The following GSTO1 variants were observed in gnomAD, a reference collection of about 807,000 sequenced individuals.
GSTO1 encodes glutathione S-transferase omega-1.
Under a neutral mutation model 23.8 loss-of-function variants are expected in GSTO1, and 27 were observed. That is an observed-to-expected ratio of 1.13 (90% CI 0.83 to 1.56). GSTO1 has a LOEUF of 1.56. GSTO1 is among the 40% of genes most tolerant of loss of function. The pLI is 0.00. For missense variants in GSTO1, 255 were observed against 285.8 expected (o/e 0.89, Z 0.78); for synonymous variants, 105 against 109.3 (o/e 0.96, Z 0.25).
At chr10:104,256,135 A>G (rs935581198) in intron 2 of GSTO1, among the ~76,000 whole-genome samples, 1 of 152,228 alleles carries the variant, frequency 6.6e-6, no homozygotes, top group African/African-American at 2.4e-5. Context: ...TCCCTAAAAG[A>G]AAGGTAAAAT....
chr10:104,264,868 T>G (rs1456492570), intron 4 of GSTO1, among the ~76,000 whole-genome samples: 1 of 152,198 alleles, frequency 6.6e-6, no homozygotes, highest in Non-Finnish European at 1.5e-5. Flanking sequence ...CTCATATAAT[T>G]TATCGAATAC....
intron 5 of GSTO1, among the ~76,000 whole-genome samples, chr10:104,266,474 C>T (rs1408753584): frequency 1.3e-5 from 2 of 152,192 alleles, no homozygotes; most frequent in Admixed American, 6.5e-5. Context: ...TGGTAGCTTA[C>T]GCCTGTAAGC....
intron 4 of GSTO1, 109 bp from the exon 5 acceptor site, chr10:104,265,975 G>A (rs369066986): frequency 1.0e-5 from 6 of 581,720 alleles, no homozygotes; most frequent in South Asian, 9.4e-5. Flanking sequence ...TGGATACATC[G>A]GAGTAAAAAC....
In GSTO1 at chr10:104,263,054, A is replaced by T. The variant is rs775096136; in HGVS notation, c.442A>T (p.Lys148Ter). The change falls in exon 4 of 6, where the codon AAA becomes TAA. Residue 148 changes from lysine to a stop codon, truncating the protein, a stop_gained. Transcript: ENST00000369713. LOFTEE classifies it high-confidence loss of function. ...DYAGLKEEFRKEFTKLEEVLT... is the reference protein window; with the variant it reads ...DYAGLKEEFR Reference sequence around the variant, plus strand: ...TGCTGGCCTAAAAGAAGAATTTCGTAAAGAATTTACCAAGCTAGAGGAGGT... The same window carrying T: ...TGCTGGCCTAAAAGAAGAATTTCGTTAAGAATTTACCAAGCTAGAGGAGGT... 6.7e-7 allele frequency: 1 copy of T among 1,495,018 alleles called. No individual in the cohort carries two copies. Among genetic ancestry groups the T allele is most frequent in the East Asian group, 2.2e-5 (1 of 44,476 alleles). The allele number at this position is 1,495,018 out of a possible 1,614,324, so 92.6% of individuals were successfully genotyped here. A position where few individuals can be genotyped will look rare whatever the true frequency, so the allele number is the denominator to read the frequency against.
Position 104,255,167 on chromosome 10 carries a change from C to T in GSTO1, c.39C>T (p.Ser13=). ...GCCTTCGCTTCTCCCCGGCAGGAAGCGCGCCCCCGGGGCCGGTCCCGGAGG... is the reference window on the plus strand; with the variant it reads ...GCCTTCGCTTCTCCCCGGCAGGAAGTGCGCCCCCGGGGCCGGTCCCGGAGG... ...GESARSLGKG[S]APPGPVPEGS... Residue 13 remains serine, a synonymous_variant, in exon 2 of 6, where the codon AGC becomes AGT. Transcript: ENST00000369713. The T allele has an allele frequency of 1.9e-6, 3 of 1,612,120 alleles. No individual in the cohort carries two copies. Among genetic ancestry groups the T allele is most frequent in the Non-Finnish European group, 2.5e-6 (3 of 1,178,458 alleles).
chr10:104,266,290 G>C, intron 5 of GSTO1, 100 bp downstream of exon 5: 1 of 672,338 alleles, frequency 1.5e-6, no homozygotes, highest in Non-Finnish European at 2.7e-6. Flanking sequence ...TAATACAACT[G>C]GTCTGAATGA....
chr10:104,257,249 C>T (rs147237418), intron 2 of GSTO1, among the ~76,000 whole-genome samples: 1 of 151,908 alleles, frequency 6.6e-6, no homozygotes, highest in African/African-American at 2.4e-5. Context: ...CTGTTTTCTT[C>T]CTTTTTGGTT....
At chr10:104,266,422 T>C (rs1439521101) in intron 5 of GSTO1, among the ~76,000 whole-genome samples, 1 of 152,232 alleles carries the variant, frequency 6.6e-6, no homozygotes, top group African/African-American at 2.4e-5. Flanking sequence ...CTTTAAAATT[T>C]ATTCCTTCCT....
intron 2 of GSTO1, among the ~76,000 whole-genome samples, chr10:104,256,237 GTACT>G (rs1302436759): frequency 7.2e-5 from 11 of 152,306 alleles, no homozygotes; most frequent in East Asian, 1.9e-4. Flanking sequence ...AACACATAGA[GTACT>G]TACTATTTCA....
rs141387929 is a variant in GSTO1, at chr10:104,263,052, G to C, written c.440G>C (p.Arg147Pro). ...TATGCTGGCCTAAAAGAAGAATTTCGTAAAGAATTTACCAAGCTAGAGGAG... is the reference window on the plus strand; with the variant it reads ...TATGCTGGCCTAAAAGAAGAATTTCCTAAAGAATTTACCAAGCTAGAGGAG... ...EDYAGLKEEF[R>P]KEFTKLEEVL... The change falls in exon 4 of 6, where the codon CGT (arginine) becomes CCT (proline). Residue 147 changes from arginine to proline, a missense_variant. By Grantham distance (103) the Arg-to-Pro change is moderately radical. Coordinates refer to ENST00000369713, the MANE Select transcript of GSTO1 (RefSeq NM_004832.3). 6 of 1,503,622 alleles carry C rather than the reference G, an allele frequency of 4.0e-6. No homozygotes were observed. The Admixed American group carries it at 1.0e-4, about 26-fold the overall frequency. The allele number at this position is 1,503,622 out of a possible 1,614,324, so 93.1% of individuals were successfully genotyped here. A position where few individuals can be genotyped will look rare whatever the true frequency, so the allele number is the denominator to read the frequency against.
At chr10:104,262,365 C>A (rs17885934) in intron 3 of GSTO1, among the ~76,000 whole-genome samples, 2 of 152,292 alleles carry the variant, frequency 1.3e-5, no homozygotes, top group Admixed American at 6.5e-5. Flanking sequence ...TAATTCCAAG[C>A]CTGTTTGTTC....
intron 2 of GSTO1, among the ~76,000 whole-genome samples, chr10:104,256,968 T>TG (rs1332264951): frequency 1.3e-5 from 2 of 152,126 alleles, no homozygotes; most frequent in East Asian, 1.9e-4. Context: ...TGCACACCTG[T>TG]GCTCATGTTC....
rs1369202375 is a variant in GSTO1 at position 104,255,156 on chromosome 10, C to T, written c.35-7C>T. The T allele has an allele frequency of 6.2e-7, 1 of 1,608,048 alleles. No homozygotes were observed. The highest frequency in any genetic ancestry group is 8.5e-7 in the Non-Finnish European group (1 of 1,174,850). On this transcript the variant is annotated splice_polypyrimidine_tract_variant and splice_region_variant and intron_variant, in intron 1 of 5. Transcript: ENST00000369713. ...GGGCCGTAATCGCCTTCGCTTCTCCCCGGCAGGAAGCGCGCCCCCGGGGCC... is the reference window on the plus strand; with the variant it reads ...GGGCCGTAATCGCCTTCGCTTCTCCTCGGCAGGAAGCGCGCCCCCGGGGCC...
At chr10:104,262,161 G>A (rs934868884) in intron 3 of GSTO1, among the ~76,000 whole-genome samples, 1 of 152,154 alleles carries the variant, frequency 6.6e-6, no homozygotes, top group Non-Finnish European at 1.5e-5. Flanking sequence ...AGAGCTTCTG[G>A]GTTTCAGCAG....
At chr10:104,262,049 T>C (rs1476984362) in intron 3 of GSTO1, among the ~76,000 whole-genome samples, 1 of 132,398 alleles carries the variant, frequency 7.6e-6, no homozygotes, top group African/African-American at 4.4e-5. Context: ...GACACACACA[T>C]AGAGTTCAAA....
chr10:104,263,804 A>G (rs889472564), intron 4 of GSTO1, among the ~76,000 whole-genome samples: 4 of 152,184 alleles, frequency 2.6e-5, no homozygotes, highest in African/African-American at 7.2e-5. Flanking sequence ...AATTTTTAAA[A>G]AAGTCATAAA....
Position 104,255,159 on chromosome 10 carries a change from G to A in GSTO1, c.35-4G>A. The A allele has an allele frequency of 6.2e-7, 1 of 1,609,710 alleles. No individual in the cohort carries two copies. The highest frequency in any genetic ancestry group is 1.7e-5 in the Admixed American group (1 of 59,932). ...CCGTAATCGCCTTCGCTTCTCCCCG[G>A]CAGGAAGCGCGCCCCCGGGGCCGGT... On this transcript the variant is annotated splice_polypyrimidine_tract_variant and splice_region_variant and intron_variant, in intron 1 of 5. Transcript: ENST00000369713.
upstream of GSTO1, chr10:104,254,747 G>A (rs2091592744): frequency 1.5e-6 from 1 of 655,456 alleles, no homozygotes; most frequent in Non-Finnish European, 2.7e-6. Flanking sequence ...AGCCCCTTAA[G>A]ATGTTTTAAG....
chr10:104,265,943 TTG>T (rs2011176629), intron 4 of GSTO1, 139 bp from the exon 5 acceptor site: 2 of 505,466 alleles, frequency 4.0e-6, no homozygotes, highest in Non-Finnish European at 7.3e-6. Context: ...ATTAAGCTTT[TTG>T]ATCAGAAAAA....
Sources: allele counts gnomAD v4.1 joint callset (sites outside exome capture counted in the v4.1 genomes callset), GRCh38; gene constraint gnomAD v4.1.1; transcripts MANE v1.5; gene names NCBI Gene and HGNC (gene_info 2026-07-23, HGNC 2026-07-21).